Variants in EFHC2 observed in about 807,000 individuals in gnomAD.
EFHC2 encodes the protein EF-hand domain containing 2.
In EFHC2, 18 loss-of-function variants were observed where a neutral mutation model predicts 52.7. The observed-to-expected ratio is 0.34, with a 90% confidence interval of 0.24 to 0.51. EFHC2 has a LOEUF of 0.51. Ranked by LOEUF, EFHC2 falls within the 20% of genes least tolerant of loss-of-function variation. The pLI is 0.97. For synonymous variants in EFHC2, 203 were observed against 204.1 expected, an observed-to-expected ratio of 0.99 and a Z score of 0.04; for missense variants, 513 against 562.5, an observed-to-expected ratio of 0.91 and a Z score of 0.89.
chrX:44,254,417 G>A (rs2037476731), intron 4 of EFHC2, among the ~76,000 whole-genome samples: 2 of 112,215 alleles, frequency 1.8e-5, no homozygotes, highest in East Asian at 2.8e-4. Context: ...CCAGTTTAGA[G>A]AAGAACATAA....
At chrX:44,310,279 C>A in intron 2 of EFHC2, 1 of 863,336 alleles carries the variant, frequency 1.2e-6, no homozygotes, top group Non-Finnish European at 1.6e-6. Flanking sequence ...TCATCCTCCA[C>A]GCCGGGGGCA....
intron 1 of EFHC2, among the ~76,000 whole-genome samples, chrX:44,332,376 G>A (rs2038092533): frequency 9.2e-6 from 1 of 108,190 alleles, no homozygotes; most frequent in East Asian, 2.9e-4. Flanking sequence ...TCCCTCCTTT[G>A]GGATGTCAAA....
Position 44,242,171 on chromosome X carries a change from G to C in EFHC2, c.1230C>G (p.Leu410=). 1 of 1,207,553 alleles carries C rather than the reference G, an allele frequency of 8.3e-7. No individual in the cohort carries two copies. Among genetic ancestry groups the C allele is most frequent in the East Asian group, 3.0e-5 (1 of 33,740 alleles). The change falls in exon 8 of 15, where the codon CTC becomes CTG. Residue 410 remains leucine, a synonymous_variant. Coordinates refer to ENST00000420999, the MANE Select transcript of EFHC2 (RefSeq NM_025184.4). The part of the protein sequence containing the change: ...EEDSLRNCID[L]KPTPHRRNFK... ...AGTTCCTCCGATGAGGTGTGGGCTTGAGGTCTATGCAGTTACGGAGAGAAT... is the reference window on the plus strand; with the variant it reads ...AGTTCCTCCGATGAGGTGTGGGCTTCAGGTCTATGCAGTTACGGAGAGAAT...
intron 11 of EFHC2, among the ~76,000 whole-genome samples, chrX:44,197,723 T>C (rs759687903): frequency 1.8e-5 from 2 of 112,793 alleles, no homozygotes; most frequent in Non-Finnish European, 3.7e-5. Context: ...CTGTACTATG[T>C]GGCACGCCTT....
intron 13 of EFHC2, among the ~76,000 whole-genome samples, chrX:44,164,476 A>G (rs1407616846): frequency 8.9e-6 from 1 of 112,250 alleles, no homozygotes; most frequent in Non-Finnish European, 1.9e-5. Context: ...TTCTACCAGT[A>G]TATGTTTTGA....
intron 4 of EFHC2, among the ~76,000 whole-genome samples, chrX:44,260,266 T>C (rs1399154712): frequency 1.8e-5 from 2 of 111,420 alleles, no homozygotes; most frequent in Non-Finnish European, 3.8e-5. Flanking sequence ...TGTATTTTAC[T>C]GTGTGTAATC....
At chrX:44,189,247 T>C (rs186967789) in intron 11 of EFHC2, among the ~76,000 whole-genome samples, 1 of 111,182 alleles carries the variant, frequency 9.0e-6, no homozygotes, top group East Asian at 2.8e-4. Flanking sequence ...TTGATCTGCT[T>C]CACACACATA....
At chrX:44,298,860 C>CAAAAA in intron 2 of EFHC2, among the ~76,000 whole-genome samples, 1 of 22,713 alleles carries the variant, frequency 4.4e-5, no homozygotes, top group Non-Finnish European at 9.2e-5. Flanking sequence ...GACTCTGTCT[C>CAAAAA]AAAAAAAAAA....
At chrX:44,239,894 G>A (rs994253293) in intron 8 of EFHC2, among the ~76,000 whole-genome samples, 1 of 111,380 alleles carries the variant, frequency 9.0e-6, no homozygotes, top group African/African-American at 3.3e-5. Context: ...AATCTGCCCA[G>A]CAGGCTACCG....
At chrX:44,321,831 G>C (rs1335877603) in intron 1 of EFHC2, among the ~76,000 whole-genome samples, 2 of 111,344 alleles carry the variant, frequency 1.8e-5, no homozygotes, top group African/African-American at 6.5e-5. Context: ...AACAGCTCTA[G>C]GTAAGGTATT....
intron 2 of EFHC2, chrX:44,284,421 G>A (rs945170655): frequency 1.8e-5 from 2 of 111,828 alleles, no homozygotes; most frequent in Admixed American, 9.5e-5. Context: ...AAGTTCCAGA[G>A]CAGGAAGGGT....
intron 2 of EFHC2, among the ~76,000 whole-genome samples, chrX:44,311,522 A>C (rs1415136740): frequency 8.9e-6 from 1 of 112,403 alleles, no homozygotes; most frequent in East Asian, 2.8e-4. Context: ...TCTGGAGAAC[A>C]GAACATTGGG....
At chrX:44,314,780 G>A (rs768710261) in intron 1 of EFHC2, among the ~76,000 whole-genome samples, 5 of 111,659 alleles carry the variant, frequency 4.5e-5, no homozygotes, top group Middle Eastern at 4.6e-3. Flanking sequence ...AAGTAACTCC[G>A]AGTAATCACA....
intron 2 of EFHC2, among the ~76,000 whole-genome samples, chrX:44,300,127 C>T (rs1253033763): frequency 9.2e-6 from 1 of 108,976 alleles, no homozygotes; most frequent in Non-Finnish European, 1.9e-5. Context: ...GGTTTGAACT[C>T]GGGGGGGAAG....
At chrX:44,202,039 GA>G (rs961909453) in intron 11 of EFHC2, among the ~76,000 whole-genome samples, 10 of 109,122 alleles carry the variant, frequency 9.2e-5, no homozygotes, top group Admixed American at 7.8e-4. Context: ...AATAAAAATA[GA>G]AAAAAAAATC....
chrX:44,243,263 A>G lies in EFHC2; in HGVS notation c.1112-974T>C, dbSNP rs946358304. ...AAGATGCCACATCTTTCCTAAAACA[A>G]AACAAAACAAACTCCCACAGAATCT... On this transcript the variant is annotated intron_variant, in intron 7 of 14. Coordinates refer to ENST00000420999, the MANE Select transcript of EFHC2 (RefSeq NM_025184.4). Among the ~76,000 whole-genome samples, 6 of 111,846 alleles carry G rather than the reference A, an allele frequency of 5.4e-5. No individual in the cohort carries two copies. In the Admixed American group the frequency reaches 5.7e-4, roughly 11 times the overall value.
chrX:44,188,757 T>A (rs921602376), intron 11 of EFHC2, among the ~76,000 whole-genome samples: 4 of 110,078 alleles, frequency 3.6e-5, no homozygotes, highest in African/African-American at 6.6e-5. Context: ...ACCAGAGAAG[T>A]GGGAGCTGAG....
At chrX:44,188,947 A>G (rs1254373783) in intron 11 of EFHC2, among the ~76,000 whole-genome samples, 1 of 108,657 alleles carries the variant, frequency 9.2e-6, no homozygotes, top group Non-Finnish European at 1.9e-5. Flanking sequence ...GTGAAACCCC[A>G]TCTCTACTAA....
At chrX:44,333,295 A>C (rs2038098688) in intron 1 of EFHC2, among the ~76,000 whole-genome samples, 1 of 111,421 alleles carries the variant, frequency 9.0e-6, no homozygotes, top group Admixed American at 9.6e-5. Context: ...GAAGGCTTTA[A>C]TGAGGAGGGG....
Sources: allele counts gnomAD v4.1 joint callset (sites outside exome capture counted in the v4.1 genomes callset), GRCh38; gene constraint gnomAD v4.1.1; transcripts MANE v1.5; gene names NCBI Gene and HGNC (gene_info 2026-07-23, HGNC 2026-07-21).